ANK2: variants seen among roughly 807,000 people sequenced by gnomAD.
ANK2 encodes the protein ankyrin-2.
ANK2 carries 83 observed loss-of-function variants against 360.5 expected under a neutral mutation model. The observed-to-expected ratio is 0.23, with a 90% CI of 0.19 to 0.28. The LOEUF is 0.28. Among genes scored for constraint, ANK2 ranks in the 10% least tolerant of loss-of-function variants. The probability of loss-of-function intolerance (pLI) is 1.00; values close to 1 mark genes in which losing one functional copy is unlikely to be tolerated. For synonymous variants in ANK2, 1,740 were observed against 1,759.5 expected, an observed-to-expected ratio of 0.99 and a Z score of 0.28; for missense variants, 4,201 against 4,795.7, an observed-to-expected ratio of 0.88 and a Z score of 3.66.
chr4:113,094,986 G>C (rs1358588266), intron 1 of ANK2, among the ~76,000 whole-genome samples: 1 of 152,202 alleles, frequency 6.6e-6, no homozygotes, highest in East Asian at 1.9e-4. Flanking sequence ...GCATCACTGG[G>C]AAAGTCAAAG....
At chr4:113,052,601 A>T (rs2067578393) in intron 1 of ANK2, among the ~76,000 whole-genome samples, 1 of 152,202 alleles carries the variant, frequency 6.6e-6, no homozygotes. Context: ...TCAAAATTTT[A>T]CTGAGTGTGT....
intron 1 of ANK2, among the ~76,000 whole-genome samples, chr4:112,829,820 G>A (rs920672029): frequency 2.0e-5 from 3 of 152,010 alleles, no homozygotes; most frequent in Non-Finnish European, 4.4e-5. Context: ...TTAGCTGGGC[G>A]TGGTGGTGGG....
intron 22 of ANK2, among the ~76,000 whole-genome samples, chr4:113,297,060 G>A (rs1020927360): frequency 2.0e-5 from 3 of 152,092 alleles, no homozygotes; most frequent in Admixed American, 2.0e-4. Context: ...GATGCCATAA[G>A]TCAGTTAACA....
chr4:112,949,113 G>A (rs1322120549), intron 2 of ANK2, among the ~76,000 whole-genome samples: 2 of 152,148 alleles, frequency 1.3e-5, no homozygotes, highest in Non-Finnish European at 2.9e-5. Flanking sequence ...AGGCAGCAGT[G>A]TTCTTGGGCT....
intron 1 of ANK2, among the ~76,000 whole-genome samples, chr4:113,078,432 C>G (rs2081015271): frequency 6.6e-6 from 1 of 152,108 alleles, no homozygotes; most frequent in Non-Finnish European, 1.5e-5. Context: ...TCAATAGTAG[C>G]CGTGGTGTCG....
rs1364627313 is a variant in ANK2 at position 113,309,503 on chromosome 4, TTTGTTTGTTTGC to T, written c.2549-1741_2549-1730del. Reference sequence around the variant, plus strand: ...AGCGTAATCAGAGGTGGTTTTTTTGTTTGTTTGTTTGCTTGTTTGTTTTTTGTTTTTTTGAGA... The same window carrying T: ...AGCGTAATCAGAGGTGGTTTTTTTGTTTGTTTGTTTTTTGTTTTTTTGAGA... On this transcript the variant is annotated intron_variant, in intron 23 of 45. Transcript: ENST00000357077. Among the ~76,000 whole-genome samples, 14 of 152,166 alleles carry T rather than the reference TTTGTTTGTTTGC, an allele frequency of 9.2e-5. No homozygotes were observed. The East Asian group carries it at 2.7e-3, about 29-fold the overall frequency.
rs560894454 is a variant in ANK2, at chr4:113,346,293, G to T, written c.4371+271G>T. ...TGCAAAAATTCTATTAATACACATTGGGCATGGAAGTAAGAAAATTTGGCT... is the reference window on the plus strand; with the variant it reads ...TGCAAAAATTCTATTAATACACATTTGGCATGGAAGTAAGAAAATTTGGCT... On this transcript the variant is annotated intron_variant, in intron 35 of 45. Transcript: ENST00000357077. Among the ~76,000 whole-genome samples the T allele has an allele frequency of 3.9e-5, 6 of 152,236 alleles. No individual in the cohort carries two copies. In the South Asian group the frequency reaches 1.0e-3, roughly 26 times the overall value.
At chr4:112,973,818 C>T (rs1307086897) in intron 2 of ANK2, among the ~76,000 whole-genome samples, 5 of 152,178 alleles carry the variant, frequency 3.3e-5, no homozygotes, top group East Asian at 1.9e-4. Flanking sequence ...TTCATGTGGG[C>T]CACTGCATTG....
chr4:113,025,120 A>T (rs1431164623), intron 2 of ANK2, among the ~76,000 whole-genome samples: 1 of 151,916 alleles, frequency 6.6e-6, no homozygotes, highest in Non-Finnish European at 1.5e-5. Context: ...AGTTCTCCTT[A>T]ATAGTCTTCT....
intron 2 of ANK2, among the ~76,000 whole-genome samples, chr4:112,962,168 T>C (rs544312788): frequency 1.3e-5 from 2 of 152,252 alleles, no homozygotes; most frequent in South Asian, 2.1e-4. Flanking sequence ...TAGTACTCAA[T>C]TGGTTAATTT....
intron 1 of ANK2, among the ~76,000 whole-genome samples, chr4:113,110,487 G>A (rs905722490): frequency 6.6e-6 from 1 of 152,010 alleles, no homozygotes; most frequent in Non-Finnish European, 1.5e-5. Context: ...TATGTCTGTT[G>A]GTAAAGAAGT....
chr4:112,773,051 C>T, the ANK2 span, among the ~76,000 whole-genome samples: 1 of 152,062 alleles, frequency 6.6e-6, no homozygotes, highest in South Asian at 2.1e-4. Flanking sequence ...GATGCGGTGG[C>T]TCATACCCGA....
At chr4:112,756,466 C>A in the ANK2 span, among the ~76,000 whole-genome samples, 7 of 152,148 alleles carry the variant, frequency 4.6e-5, no homozygotes, top group Non-Finnish European at 8.8e-5. Flanking sequence ...AAATGGCAAT[C>A]AATTTATTAG....
the ANK2 span, among the ~76,000 whole-genome samples, chr4:112,750,432 C>A: frequency 6.6e-6 from 1 of 152,108 alleles, no homozygotes; most frequent in African/African-American, 2.4e-5. Context: ...TTTAGATACA[C>A]AAATACTTAC....
At chr4:113,215,280 C>G (rs572240794) in intron 4 of ANK2, among the ~76,000 whole-genome samples, 9 of 152,210 alleles carry the variant, frequency 5.9e-5, no homozygotes, top group African/African-American at 2.2e-4. Context: ...AACCTCTTAG[C>G]GACTCCATTC....
intron 2 of ANK2, among the ~76,000 whole-genome samples, chr4:113,001,874 G>A (rs1213954436): frequency 1.3e-5 from 2 of 152,124 alleles, no homozygotes; most frequent in Non-Finnish European, 2.9e-5. Flanking sequence ...GCATTTCCAT[G>A]TAGTTATTTC....
At chr4:112,777,150 G>C in the ANK2 span, among the ~76,000 whole-genome samples, 1 of 152,160 alleles carries the variant, frequency 6.6e-6, no homozygotes, top group South Asian at 2.1e-4. Flanking sequence ...GGAAGGGTGA[G>C]CTACAGCTGA....
At chr4:112,972,065 T>A (rs1250376687) in intron 2 of ANK2, among the ~76,000 whole-genome samples, 1 of 152,068 alleles carries the variant, frequency 6.6e-6, no homozygotes, top group Non-Finnish European at 1.5e-5. Flanking sequence ...GGAGGAGGAG[T>A]GGTCTTGCAA....
At chr4:113,339,095 G>T in intron 31 of ANK2, 131 bp from the exon 32 acceptor site, 1 of 738,748 alleles carries the variant, frequency 1.4e-6, no homozygotes. Flanking sequence ...GTAGATTTTA[G>T]TCATTTTGTT....
Sources: allele counts gnomAD v4.1 joint callset (sites outside exome capture counted in the v4.1 genomes callset), GRCh38; gene constraint gnomAD v4.1.1; transcripts MANE v1.5; gene names NCBI Gene and HGNC (gene_info 2026-07-23, HGNC 2026-07-21).